The following ADGRB3 variants were observed in gnomAD, a reference collection of about 807,000 sequenced individuals.
ADGRB3 encodes brain-specific angiogenesis inhibitor 3.
ADGRB3 carries 37 observed loss-of-function variants against 193.4 expected under a neutral mutation model. The observed-to-expected ratio is 0.19, with a 90% CI of 0.15 to 0.25. The LOEUF (loss-of-function observed/expected upper bound fraction) is 0.25, where lower values mean the gene tolerates loss of function less well. ADGRB3 is among the 10% of genes least tolerant of loss of function. The pLI is 1.00. For synonymous variants in ADGRB3, 690 were observed against 644.2 expected (o/e 1.07, Z -1.08); for missense variants, 1,637 against 1,852.9 (o/e 0.88, Z 2.14).
intron 20 of ADGRB3, among the ~76,000 whole-genome samples, chr6:69,263,950 C>T (rs1169621840): frequency 6.6e-6 from 1 of 151,922 alleles, no homozygotes; most frequent in Non-Finnish European, 1.5e-5. Context: ...GTTCTATATA[C>T]ATTTAACATA....
At chr6:69,328,736 C>T (rs765549463) in intron 22 of ADGRB3, among the ~76,000 whole-genome samples, 18 of 152,224 alleles carry the variant, frequency 1.2e-4, no homozygotes, top group African/African-American at 3.9e-4. Flanking sequence ...AAGTTTAAGA[C>T]GCTCCTGTCA....
intron 17 of ADGRB3, among the ~76,000 whole-genome samples, chr6:69,174,260 C>T (rs1432399854): frequency 6.6e-6 from 1 of 152,180 alleles, no homozygotes; most frequent in Non-Finnish European, 1.5e-5. Flanking sequence ...CTCTCTTCCT[C>T]CTCCCTCTAG....
At chr6:68,949,987 T>C (rs1421885522) in intron 6 of ADGRB3, among the ~76,000 whole-genome samples, 4 of 152,136 alleles carry the variant, frequency 2.6e-5, no homozygotes, top group African/African-American at 9.7e-5. Flanking sequence ...TTTCCTTCTA[T>C]GTAGTTTAGT....
chr6:68,904,884 T>C (rs1013270221), intron 3 of ADGRB3, among the ~76,000 whole-genome samples: 2 of 152,234 alleles, frequency 1.3e-5, no homozygotes, highest in Non-Finnish European at 2.9e-5. Flanking sequence ...AGCTTTATTA[T>C]GATTTTCATC....
chr6:69,203,457 T>G (rs1035736135), intron 17 of ADGRB3, among the ~76,000 whole-genome samples: 26 of 152,048 alleles, frequency 1.7e-4, no homozygotes, highest in Non-Finnish European at 3.4e-4. Flanking sequence ...TTTTGTTTTT[T>G]TTTTCTCTTA....
At position 69,388,707 on chromosome 6, in the gene ADGRB3, A is replaced by T. The variant is rs1423148720; in HGVS notation, c.4385A>T (p.Asn1462Ile). ...CTTTCCCTCTCTTCTCAACAGGAAA[A>T]CCCCGCACCAAACAAGAATCCATGG... is the stretch of plus-strand genomic sequence containing the variant. Reference protein sequence around the residue: ...RDIPNTSSMENPAPNKNPWDT... With the variant: ...RDIPNTSSMEIPAPNKNPWDT... The change falls in exon 32 of 32, where the codon AAC (asparagine) becomes ATC (isoleucine). Residue 1462 changes from asparagine (N) to isoleucine (I), a missense_variant. Asn to Ile is a moderately radical substitution (Grantham distance 149). Transcript: ENST00000370598. 1.9e-6 allele frequency: 3 copies of T among 1,612,334 alleles called. No individual in the cohort carries two copies. In the South Asian group the frequency reaches 3.3e-5, roughly 18 times the overall value.
At chr6:69,361,892 G>A (rs1001622445) in intron 29 of ADGRB3, among the ~76,000 whole-genome samples, 3 of 151,874 alleles carry the variant, frequency 2.0e-5, no homozygotes, top group African/African-American at 7.2e-5. Context: ...GGTCCTTTTG[G>A]TGCACAGTGT....
intron 3 of ADGRB3, among the ~76,000 whole-genome samples, chr6:68,714,935 C>T (rs1357279156): frequency 1.3e-5 from 2 of 151,686 alleles, no homozygotes; most frequent in South Asian, 4.1e-4. Flanking sequence ...TAATCCATGT[C>T]ACATTTGAGG....
chr6:68,905,386 C>T (rs908127543), intron 3 of ADGRB3, among the ~76,000 whole-genome samples: 1 of 152,122 alleles, frequency 6.6e-6, no homozygotes, highest in Non-Finnish European at 1.5e-5. Flanking sequence ...TAAGTTAATT[C>T]TATTTCTTAC....
intron 3 of ADGRB3, among the ~76,000 whole-genome samples, chr6:68,768,917 G>A (rs753553426): frequency 3.3e-5 from 5 of 151,918 alleles, no homozygotes; most frequent in Middle Eastern, 3.4e-3. Flanking sequence ...CATTTATGCA[G>A]CCAACAAACA....
At chr6:69,211,308 G>C (rs1765662161) in intron 17 of ADGRB3, among the ~76,000 whole-genome samples, 1 of 152,086 alleles carries the variant, frequency 6.6e-6, no homozygotes. Flanking sequence ...GCCAATAAAA[G>C]AAAGGGAATC....
rs567102217 is a variant in ADGRB3 at position 69,020,900 on chromosome 6, A to G, written c.2107+2401A>G. 3.3e-5 allele frequency among the ~76,000 whole-genome samples: 5 copies of G among 152,108 alleles called. No individual in the cohort carries two copies. The South Asian group carries it at 8.3e-4, about 25-fold the overall frequency. On this transcript the variant is annotated intron_variant, in intron 13 of 31. Transcript: ENST00000370598. ...GTAATATGAATAATGATCTCTTACTATTAATACTTTTTATGTTATCCAATT... is the reference window on the plus strand; with the variant it reads ...GTAATATGAATAATGATCTCTTACTGTTAATACTTTTTATGTTATCCAATT...
intron 20 of ADGRB3, among the ~76,000 whole-genome samples, chr6:69,246,628 C>G (rs1031314238): frequency 7.9e-5 from 12 of 152,118 alleles, no homozygotes; most frequent in Non-Finnish European, 4.4e-5. Context: ...TGGTAAAAGC[C>G]AGAGACCACA....
At chr6:68,914,330 C>G (rs1040169629) in intron 3 of ADGRB3, among the ~76,000 whole-genome samples, 2 of 152,126 alleles carry the variant, frequency 1.3e-5, no homozygotes, top group African/African-American at 4.8e-5. Context: ...GCCCATCAGA[C>G]TAACAGCGGA....
chr6:68,726,203 AT>A (rs1350637176), intron 3 of ADGRB3, among the ~76,000 whole-genome samples: 1 of 151,510 alleles, frequency 6.6e-6, no homozygotes, highest in East Asian at 1.9e-4. Flanking sequence ...ATCACATGAC[AT>A]TTTTTCATCT....
intron 17 of ADGRB3, among the ~76,000 whole-genome samples, chr6:69,211,125 A>C (rs1243314393): frequency 6.6e-6 from 1 of 152,218 alleles, no homozygotes; most frequent in Admixed American, 6.5e-5. Context: ...CCGTCTCAAA[A>C]GAAAAAAAAG....
At chr6:69,341,065 G>C (rs185558404) in intron 26 of ADGRB3, among the ~76,000 whole-genome samples, 1 of 152,128 alleles carries the variant, frequency 6.6e-6, no homozygotes, top group Non-Finnish European at 1.5e-5. Context: ...GAACAGTGCC[G>C]CAATAAACAT....
At position 68,943,968 on chromosome 6, in the gene ADGRB3, A is replaced by G. The variant is rs576478884; in HGVS notation, c.1169A>G (p.Lys390Arg). The G allele has an allele frequency of 6.2e-7, 1 of 1,613,084 alleles. No individual in the cohort carries two copies. Among genetic ancestry groups the G allele is most frequent in the East Asian group, 2.2e-5 (1 of 44,864 alleles). Residue 390 changes from lysine (K) to arginine (R), a missense_variant, in exon 6 of 32, where the codon AAG (lysine) becomes AGG (arginine). Lys to Arg is a conservative substitution (Grantham distance 26). Around this residue, in one of 7 missense-constraint regions of ADGRB3, gnomAD observed 641 missense variants for 673.9 expected, o/e 0.95. Transcript: ENST00000370598. The stretch of plus-strand genomic sequence containing the variant: ...TGTGAAGGACCTGAAACACATCATA[A>G]GCCTTGTAATATTGCTCTTTGCCCA... The part of the protein sequence containing the change: ...RPCEGPETHH[K>R]PCNIALCPVD...
intron 3 of ADGRB3, among the ~76,000 whole-genome samples, chr6:68,901,787 A>T (rs1324907308): frequency 6.6e-6 from 1 of 152,196 alleles, no homozygotes; most frequent in Non-Finnish European, 1.5e-5. Flanking sequence ...AAAATTATGC[A>T]AATACAGACA....
Sources: allele counts gnomAD v4.1 joint callset (sites outside exome capture counted in the v4.1 genomes callset), GRCh38; gene constraint gnomAD v4.1.1; regional missense constraint gnomAD v4.1.1; transcripts MANE v1.5; gene names NCBI Gene and HGNC (gene_info 2026-07-23, HGNC 2026-07-21).